DPY19L1: variants seen among roughly 807,000 people sequenced by gnomAD.
DPY19L1 encodes dpy-19 like C-mannosyltransferase 1.
In DPY19L1, 35 loss-of-function variants were observed where a neutral mutation model predicts 96.9. The ratio of observed to expected loss-of-function variants is 0.36; its 90% CI spans 0.28 to 0.48. The LOEUF is 0.48. Ranked by LOEUF, DPY19L1 falls within the 20% of genes least tolerant of loss-of-function variation. The pLI, the probability that DPY19L1 is intolerant of heterozygous loss-of-function variation, is 0.99. For synonymous variants in DPY19L1, 205 were observed against 252.6 expected (o/e 0.81, Z 1.79); for missense variants, 521 against 777.9 (o/e 0.67, Z 3.93).
At chr7:34,967,692 A>G (rs1486873381) in intron 9 of DPY19L1, among the ~76,000 whole-genome samples, 2 of 152,194 alleles carry the variant, frequency 1.3e-5, no homozygotes, top group Non-Finnish European at 2.9e-5. Flanking sequence ...AGAGAAAGCA[A>G]TTCAAATTAA....
At chr7:35,019,591 AGAG>A (rs1785945607) in intron 1 of DPY19L1, among the ~76,000 whole-genome samples, 1 of 150,386 alleles carries the variant, frequency 6.6e-6, no homozygotes, top group South Asian at 2.1e-4. Context: ...AGAAGGAAGA[AGAG>A]AGGAGGAAGG....
At chr7:34,979,636 G>C (rs1392610057) in intron 7 of DPY19L1, among the ~76,000 whole-genome samples, 1 of 151,964 alleles carries the variant, frequency 6.6e-6, no homozygotes, top group East Asian at 1.9e-4. Context: ...TTTGTTTCTG[G>C]AACCTTTTTG....
intron 7 of DPY19L1, among the ~76,000 whole-genome samples, chr7:34,988,559 T>C (rs1584239468): frequency 3.9e-5 from 6 of 152,236 alleles, no homozygotes; most frequent in African/African-American, 1.4e-4. Context: ...TATCCATTAG[T>C]AACTCGCTGA....
intron 6 of DPY19L1, among the ~76,000 whole-genome samples, chr7:34,994,431 C>T (rs1055671902): frequency 3.3e-5 from 5 of 151,890 alleles, no homozygotes; most frequent in African/African-American, 7.3e-5. Context: ...CCCTGAACAA[C>T]GAGGAATCAA....
At chr7:34,944,006 T>C (rs77493583) in intron 16 of DPY19L1, among the ~76,000 whole-genome samples, 10,841 of 152,198 alleles carry the variant, frequency 0.071, 455 homozygotes, top group East Asian at 0.09. Context: ...CAATAATTTA[T>C]CATTATGTTG....
rs1325577763 is a variant in DPY19L1 at position 35,018,984 on chromosome 7, CT to C, written c.299-389del. On this transcript the variant is annotated intron_variant, in intron 1 of 21. Transcript: ENST00000638088. ...GGTGGAAGAAAAAAGGGAACTACCA[CT>C]TCTGATATACTGCTGCAATGCCTGA... Among the ~76,000 whole-genome samples, 6 of 152,256 alleles carry C rather than the reference CT, an allele frequency of 3.9e-5. No individual in the cohort carries two copies. In the South Asian group the frequency reaches 8.3e-4, roughly 21 times the overall value.
At chr7:34,937,171 A>G (rs1279737287) in intron 21 of DPY19L1, among the ~76,000 whole-genome samples, 4 of 152,238 alleles carry the variant, frequency 2.6e-5, no homozygotes, top group Admixed American at 6.5e-5. Flanking sequence ...TTGGAGCTAT[A>G]CTCAGCTTAG....
chr7:34,983,750 T>C (rs546416530), intron 7 of DPY19L1, among the ~76,000 whole-genome samples: 30 of 151,670 alleles, frequency 2.0e-4, no homozygotes, highest in African/African-American at 7.2e-4. Flanking sequence ...TGAACATACA[T>C]GTAATTAGAA....
chr7:34,967,062 T>C, intron 9 of DPY19L1, 91 bp from the exon 10 acceptor site: 2 of 937,060 alleles, frequency 2.1e-6, no homozygotes, highest in Non-Finnish European at 3.0e-6. Flanking sequence ...AACTGATTTA[T>C]ATCTACACAC....
intron 14 of DPY19L1, among the ~76,000 whole-genome samples, chr7:34,948,028 T>C (rs910737661): frequency 2.6e-5 from 4 of 152,152 alleles, no homozygotes; most frequent in Non-Finnish European, 5.9e-5. Context: ...GCTCCTTAAA[T>C]GGAATAAGCT....
chr7:34,996,019 C>G (rs1323617826), intron 6 of DPY19L1, among the ~76,000 whole-genome samples: 1 of 152,138 alleles, frequency 6.6e-6, no homozygotes. Context: ...AAGTTCTCAG[C>G]TTGGTCCTTT....
intron 6 of DPY19L1, among the ~76,000 whole-genome samples, chr7:34,991,420 T>C (rs1346336263): frequency 6.6e-6 from 1 of 152,110 alleles, no homozygotes; most frequent in Non-Finnish European, 1.5e-5. Context: ...GATGGATCAC[T>C]GAAATGAGAG....
In DPY19L1 at chr7:35,037,312, C is replaced by G; in HGVS notation, c.83G>C (p.Arg28Thr). The change falls in exon 1 of 22, where the codon AGG (arginine) becomes ACG (threonine). Residue 28 changes from arginine to threonine, a missense_variant. Transcript: ENST00000638088. ...QPPRASQSPL[R>T]GASDVGAGEP... ...CCCGGCGCCGACGTCCGACGCCCCC[C>G]TCAGCGGCGACTGTGAGGCGCGGGG... The G allele has an allele frequency of 2.8e-6, 1 of 351,536 alleles. No homozygotes were observed. The highest frequency in any genetic ancestry group is 5.1e-6 in the Non-Finnish European group (1 of 196,074). The allele number at this position is 351,536 out of a possible 1,614,324, so 21.8% of individuals were successfully genotyped here. A position where few individuals can be genotyped will look rare whatever the true frequency, so the allele number is the denominator to read the frequency against.
intron 3 of DPY19L1, among the ~76,000 whole-genome samples, chr7:35,014,516 G>A (rs1376572964): frequency 1.3e-5 from 2 of 152,136 alleles, no homozygotes; most frequent in East Asian, 3.9e-4. Flanking sequence ...TTTCCCTGGA[G>A]CTGCCCTGGT....
At chr7:34,995,913 C>T (rs1036043718) in intron 6 of DPY19L1, among the ~76,000 whole-genome samples, 4 of 3,034 alleles carry the variant, frequency 1.3e-3, no homozygotes, top group Non-Finnish European at 2.2e-3. Context: ...CTCATGGCGG[C>T]GGTGGGGGGG....
chr7:34,937,022 G>T (rs1393350397), intron 21 of DPY19L1, among the ~76,000 whole-genome samples: 1 of 152,150 alleles, frequency 6.6e-6, no homozygotes, highest in African/African-American at 2.4e-5. Flanking sequence ...TGATAAAATT[G>T]TTCCTGTACT....
chr7:34,936,319 T>C (rs1783866820), intron 21 of DPY19L1, among the ~76,000 whole-genome samples: 1 of 151,986 alleles, frequency 6.6e-6, no homozygotes, highest in African/African-American at 2.4e-5. Flanking sequence ...CCCAACACTC[T>C]ACAGCACAAA....
intron 14 of DPY19L1, among the ~76,000 whole-genome samples, chr7:34,949,045 A>T (rs1425437624): frequency 6.6e-6 from 1 of 152,218 alleles, no homozygotes; most frequent in Non-Finnish European, 1.5e-5. Context: ...ACATACACAT[A>T]CCACTCTGAA....
chr7:34,931,390 C>A lies in DPY19L1; in HGVS notation c.*183G>T. On this transcript the variant is annotated 3_prime_UTR_variant, in exon 22 of 22. Coordinates refer to ENST00000638088, the MANE Select transcript of DPY19L1 (RefSeq NM_001366673.1). Reference sequence around the variant, plus strand: ...TTTAAAGGGTGCATTGAAATAGTAACCAATTGATAAAGGTGTAAGTCATTT... The same window carrying A: ...TTTAAAGGGTGCATTGAAATAGTAAACAATTGATAAAGGTGTAAGTCATTT... 3.9e-6 allele frequency: 3 copies of A among 776,836 alleles called. No homozygotes were observed. The highest frequency in any genetic ancestry group is 8.7e-5 in the South Asian group (2 of 22,966). The allele number at this position is 776,836 out of a possible 1,614,324, so 48.1% of individuals were successfully genotyped here.
Sources: gnomAD v4.1 joint callset for allele counts (sites outside exome capture counted in the v4.1 genomes callset) on GRCh38, gnomAD v4.1.1 for gene constraint, MANE v1.5 for transcripts, NCBI Gene and HGNC (gene_info 2026-07-23, HGNC 2026-07-21) for gene names.